CDC42BPA: variants seen among roughly 807,000 people sequenced by gnomAD.
CDC42BPA encodes the protein serine/threonine-protein kinase MRCK alpha.
CDC42BPA carries 80 observed loss-of-function variants against 223.5 expected under a neutral mutation model. The ratio of observed to expected loss-of-function variants is 0.36; its 90% CI spans 0.30 to 0.43. CDC42BPA has a LOEUF of 0.43. CDC42BPA is among the 20% of genes least tolerant of loss of function. The pLI, the probability that CDC42BPA is intolerant of heterozygous loss-of-function variation, is 1.00. For missense variants in CDC42BPA, 1,743 were observed against 2,099.9 expected (o/e 0.83, Z 3.32); for synonymous variants, 694 against 718.6 (o/e 0.97, Z 0.55).
chr1:227,206,033 G>C (rs1672665281), intron 3 of CDC42BPA, among the ~76,000 whole-genome samples: 1 of 152,176 alleles, frequency 6.6e-6, no homozygotes, highest in Non-Finnish European at 1.5e-5. Flanking sequence ...GGACAACAGA[G>C]CAAGACTCTG....
chr1:227,188,766 T>C (rs564633356), intron 5 of CDC42BPA, among the ~76,000 whole-genome samples: 1 of 152,326 alleles, frequency 6.6e-6, no homozygotes, highest in African/African-American at 2.4e-5. Flanking sequence ...AATACTATTA[T>C]GGCGGATACA....
At chr1:227,170,697 C>G (rs1177470607) in intron 5 of CDC42BPA, among the ~76,000 whole-genome samples, 1 of 152,118 alleles carries the variant, frequency 6.6e-6, no homozygotes, top group East Asian at 1.9e-4. Flanking sequence ...TAAGAAAGAC[C>G]ATGCCATTTC....
At chr1:227,000,254 G>C (rs937685165) in intron 35 of CDC42BPA, among the ~76,000 whole-genome samples, 1 of 151,932 alleles carries the variant, frequency 6.6e-6, no homozygotes. Flanking sequence ...CACATGCACT[G>C]GTCTTCATTT....
chr1:227,092,662 T>C (rs1212162003), intron 15 of CDC42BPA, among the ~76,000 whole-genome samples: 1 of 152,210 alleles, frequency 6.6e-6, no homozygotes, highest in Non-Finnish European at 1.5e-5. Flanking sequence ...AAACATTTTG[T>C]TCATAATTAG....
intron 2 of CDC42BPA, chr1:227,219,549 T>G (rs1032104916): frequency 2.6e-5 from 4 of 152,222 alleles, no homozygotes; most frequent in African/African-American, 4.8e-5. Context: ...TTCCCATGAT[T>G]TATGCATTTC....
chr1:227,270,017 A>T (rs1186859504), intron 1 of CDC42BPA, among the ~76,000 whole-genome samples: 2 of 152,190 alleles, frequency 1.3e-5, no homozygotes, highest in African/African-American at 4.8e-5. Flanking sequence ...GAAAAACTGG[A>T]AACTACCTAG....
intron 14 of CDC42BPA, among the ~76,000 whole-genome samples, chr1:227,104,707 C>T (rs903931639): frequency 2.0e-5 from 3 of 152,110 alleles, no homozygotes; most frequent in Non-Finnish European, 4.4e-5. Flanking sequence ...TTCATTAAGA[C>T]TGCGTCCTTA....
At chr1:227,210,063 A>G (rs1673598091) in intron 3 of CDC42BPA, among the ~76,000 whole-genome samples, 1 of 151,926 alleles carries the variant, frequency 6.6e-6, no homozygotes, top group African/African-American at 2.4e-5. Flanking sequence ...CAGAGATTCA[A>G]CTTCTTCCTG....
chr1:227,314,156 A>G (rs1693985086), intron 1 of CDC42BPA, among the ~76,000 whole-genome samples: 1 of 152,154 alleles, frequency 6.6e-6, no homozygotes, highest in Non-Finnish European at 1.5e-5. Flanking sequence ...TTACTTCTAC[A>G]ACTCCACTGT....
intron 4 of CDC42BPA, among the ~76,000 whole-genome samples, chr1:227,196,103 TA>T (rs10718177): frequency 0.22 from 33,132 of 151,034 alleles, 4,111 homozygotes; most frequent in African/African-American, 0.32. Flanking sequence ...ATTTTTTTTT[TA>T]AAAGAGCTCC....
At chr1:227,116,861 T>C (rs927050972) in intron 12 of CDC42BPA, among the ~76,000 whole-genome samples, 2 of 152,124 alleles carry the variant, frequency 1.3e-5, no homozygotes, top group South Asian at 2.1e-4. Flanking sequence ...AGTAGGAGCC[T>C]GGACCAAGGG....
At chr1:227,207,489 A>C (rs940897368) in intron 3 of CDC42BPA, among the ~76,000 whole-genome samples, 1 of 142,298 alleles carries the variant, frequency 7.0e-6, no homozygotes, top group Non-Finnish European at 1.5e-5. Context: ...AGCATTAGGT[A>C]TATCTCCCAA....
chr1:227,268,735 G>A (rs1685488051), intron 1 of CDC42BPA, among the ~76,000 whole-genome samples: 1 of 149,390 alleles, frequency 6.7e-6, no homozygotes, highest in South Asian at 2.1e-4. Context: ...ATTCAGGCTG[G>A]AGTGTACTGG....
At chr1:227,285,923 C>T (rs946387011) in intron 1 of CDC42BPA, among the ~76,000 whole-genome samples, 3 of 152,164 alleles carry the variant, frequency 2.0e-5, no homozygotes, top group East Asian at 1.9e-4. Flanking sequence ...CATCCTGAGT[C>T]GGCACAAGGC....
chr1:227,193,247 T>C (rs900598405), intron 5 of CDC42BPA, among the ~76,000 whole-genome samples: 1 of 150,578 alleles, frequency 6.6e-6, no homozygotes, highest in Non-Finnish European at 1.5e-5. Flanking sequence ...TTTTTTTTTG[T>C]ATTTTTAGTA....
intron 32 of CDC42BPA, among the ~76,000 whole-genome samples, chr1:227,022,855 G>C (rs1468157009): frequency 2.0e-5 from 3 of 152,134 alleles, no homozygotes; most frequent in African/African-American, 7.2e-5. Flanking sequence ...CTTTCGAAGT[G>C]CTAGGCCCTG....
intron 6 of CDC42BPA, among the ~76,000 whole-genome samples, chr1:227,158,141 A>G (rs1235744772): frequency 6.6e-6 from 1 of 151,886 alleles, no homozygotes; most frequent in Non-Finnish European, 1.5e-5. Flanking sequence ...TTGTATTTTT[A>G]GTATAGACAA....
At chr1:227,240,000 C>A (rs969338960) in intron 2 of CDC42BPA, among the ~76,000 whole-genome samples, 1 of 152,062 alleles carries the variant, frequency 6.6e-6, no homozygotes, top group Admixed American at 6.5e-5. Flanking sequence ...TATTATCAGA[C>A]AGCAGGACTG....
chr1:227,090,771 A>C (rs1376102895), intron 16 of CDC42BPA, among the ~76,000 whole-genome samples: 1 of 152,170 alleles, frequency 6.6e-6, no homozygotes, highest in Non-Finnish European at 1.5e-5. Flanking sequence ...AGATTGCACC[A>C]CCGCACTCCA....
Sources: gnomAD v4.1 joint callset for allele counts (sites outside exome capture counted in the v4.1 genomes callset) on GRCh38, gnomAD v4.1.1 for gene constraint, MANE v1.5 for transcripts, NCBI Gene and HGNC (gene_info 2026-07-23, HGNC 2026-07-21) for gene names.